METTL15: variants seen among roughly 807,000 people sequenced by gnomAD.
METTL15 encodes the protein methyltransferase 15, mitochondrial 12S rRNA N4-cytidine.
In METTL15, 34 loss-of-function variants were observed where a neutral mutation model predicts 38.3. The ratio of observed to expected loss-of-function variants is 0.89; its 90% confidence interval spans 0.68 to 1.18. The LOEUF (loss-of-function observed/expected upper bound fraction) is 1.18, where lower values mean the gene tolerates loss of function less well. METTL15 is among the 50% of genes most tolerant of loss of function. METTL15 has a pLI of 0.00. For missense variants in METTL15, 438 were observed against 498.4 expected (o/e 0.88, Z 1.15); for synonymous variants, 162 against 170.9 (o/e 0.95, Z 0.41).
At chr11:28,486,377 A>T (rs1290877774) in intron 6 of METTL15, among the ~76,000 whole-genome samples, 1 of 152,060 alleles carries the variant, frequency 6.6e-6, no homozygotes, top group Non-Finnish European at 1.5e-5. Flanking sequence ...ACAGGAAAAA[A>T]GAATGTGTTT....
At chr11:28,338,628 A>G (rs898722277) in intron 3 of METTL15, among the ~76,000 whole-genome samples, 1 of 152,124 alleles carries the variant, frequency 6.6e-6, no homozygotes, top group East Asian at 1.9e-4. Context: ...AAATCCCTCC[A>G]TGATCATCCA....
intron 4 of METTL15, among the ~76,000 whole-genome samples, chr11:28,275,763 T>G (rs1388295543): frequency 6.6e-6 from 1 of 152,042 alleles, no homozygotes; most frequent in African/African-American, 2.4e-5. Context: ...TAAGTGAGAT[T>G]TATGCTTGGG....
At chr11:28,335,247 T>G (rs192037062), downstream of METTL15, among the ~76,000 whole-genome samples, 23 of 152,304 alleles carry the variant, frequency 1.5e-4, no homozygotes, top group Non-Finnish European at 3.1e-4. Context: ...TATTCAAGTC[T>G]TATAGGTGCT....
chr11:28,228,598 A>G (rs1026154061), intron 4 of METTL15, among the ~76,000 whole-genome samples: 1 of 151,870 alleles, frequency 6.6e-6, no homozygotes, highest in Non-Finnish European at 1.5e-5. Flanking sequence ...ATATATACAT[A>G]TACATATATA....
intron 6 of METTL15, among the ~76,000 whole-genome samples, chr11:28,520,577 G>A (rs1197859271): frequency 1.3e-5 from 2 of 152,116 alleles, no homozygotes; most frequent in South Asian, 2.1e-4. Context: ...AGGCCACCCT[G>A]GGAGTTCTTT....
At chr11:28,308,376 GT>G (rs1365842257) in intron 6 of METTL15, among the ~76,000 whole-genome samples, 1 of 151,794 alleles carries the variant, frequency 6.6e-6, no homozygotes, top group Non-Finnish European at 1.5e-5. Flanking sequence ...GCAACACTTA[GT>G]TTCTTGTATT....
At chr11:28,269,179 A>C (rs187039927) in intron 4 of METTL15, among the ~76,000 whole-genome samples, 1 of 152,138 alleles carries the variant, frequency 6.6e-6, no homozygotes, top group Non-Finnish European at 1.5e-5. Context: ...CAGAGTAGCT[A>C]TTTATTCTAC....
intron 4 of METTL15, among the ~76,000 whole-genome samples, chr11:28,255,495 T>TG (rs543814336): frequency 3.0e-3 from 453 of 152,332 alleles, no homozygotes; most frequent in African/African-American, 0.011. Flanking sequence ...TTAATAACTG[T>TG]GGTGAAAGTA....
chr11:28,362,170 C>A (rs1439036065), intron 5 of METTL15: 1 of 152,026 alleles, frequency 6.6e-6, no homozygotes. Flanking sequence ...GTAGAAATAG[C>A]ATTAGACAAA....
At chr11:28,317,863 A>G (rs1565250325) in intron 6 of METTL15, among the ~76,000 whole-genome samples, 1 of 152,236 alleles carries the variant, frequency 6.6e-6, no homozygotes, top group Non-Finnish European at 1.5e-5. Context: ...ATCATACATG[A>G]AACAGGGTTC....
intron 4 of METTL15, among the ~76,000 whole-genome samples, chr11:28,258,394 T>A (rs1448773803): frequency 6.6e-6 from 1 of 152,116 alleles, no homozygotes; most frequent in Non-Finnish European, 1.5e-5. Flanking sequence ...ACTGCCTATG[T>A]TCACTTCAGG....
chr11:28,159,594 C>G (rs776618201), intron 3 of METTL15, among the ~76,000 whole-genome samples: 1 of 152,080 alleles, frequency 6.6e-6, no homozygotes, highest in African/African-American at 2.4e-5. Flanking sequence ...GAGTCTTTCC[C>G]CCTTCTTTTG....
chr11:28,482,236 A>G (rs76827977), intron 6 of METTL15, among the ~76,000 whole-genome samples: 6,204 of 152,242 alleles, frequency 0.041, 414 homozygotes, highest in African/African-American at 0.14. Context: ...TGCATACTGG[A>G]TAGGAGTTAC....
At chr11:28,423,656 A>G (rs1850840209) in intron 5 of METTL15, among the ~76,000 whole-genome samples, 1 of 152,082 alleles carries the variant, frequency 6.6e-6, no homozygotes, top group Non-Finnish European at 1.5e-5. Context: ...GAATTAAAAC[A>G]ATTGAACTGA....
intron 6 of METTL15, among the ~76,000 whole-genome samples, chr11:28,432,139 G>A (rs1057453737): frequency 4.2e-4 from 64 of 152,328 alleles, no homozygotes; most frequent in African/African-American, 1.5e-3. Context: ...TAATGGGGTT[G>A]ACCAAATTCT....
intron 6 of METTL15, among the ~76,000 whole-genome samples, chr11:28,463,584 A>C (rs913043476): frequency 6.6e-6 from 1 of 152,156 alleles, no homozygotes; most frequent in Non-Finnish European, 1.5e-5. Flanking sequence ...AAGTCATATG[A>C]TTCTGAAACT....
intron 3 of METTL15, among the ~76,000 whole-genome samples, chr11:28,157,435 T>C (rs1341093098): frequency 1.3e-5 from 2 of 152,122 alleles, no homozygotes; most frequent in African/African-American, 4.8e-5. Context: ...TTTGGAGCCT[T>C]TGGCAGGCCC....
At chr11:28,497,384 G>T (rs1205550945) in intron 6 of METTL15, among the ~76,000 whole-genome samples, 1 of 152,124 alleles carries the variant, frequency 6.6e-6, no homozygotes, top group Non-Finnish European at 1.5e-5. Flanking sequence ...TTCCATCTGT[G>T]CTCCAAAATG....
chr11:28,227,147 C>T (rs1271864348), intron 4 of METTL15, among the ~76,000 whole-genome samples: 12 of 151,740 alleles, frequency 7.9e-5, no homozygotes, highest in East Asian at 5.8e-4. Context: ...AACATAGTTC[C>T]GAGGCTTGAG....
Sources: allele counts gnomAD v4.1 joint callset (sites outside exome capture counted in the v4.1 genomes callset), GRCh38; gene constraint gnomAD v4.1.1; transcripts MANE v1.5; gene names NCBI Gene and HGNC (gene_info 2026-07-23, HGNC 2026-07-21).